Variants in SEMA6D observed in about 807,000 individuals in gnomAD.
SEMA6D encodes semaphorin-6D.
A neutral mutation model predicts 106.6 loss-of-function variants in SEMA6D; 35 were observed. The observed-to-expected ratio is 0.33, with a 90% confidence interval of 0.25 to 0.44. The LOEUF is 0.44. Ranked by LOEUF, SEMA6D falls within the 20% of genes least tolerant of loss-of-function variation. SEMA6D has a pLI of 1.00. For synonymous variants in SEMA6D, 499 were observed against 487.7 expected, an observed-to-expected ratio of 1.02 and a Z score of -0.31; for missense variants, 1,185 against 1,345.9, an observed-to-expected ratio of 0.88 and a Z score of 1.87.
intron 1 of SEMA6D, among the ~76,000 whole-genome samples, chr15:47,220,909 T>C (rs185709225): frequency 0.012 from 1,853 of 152,342 alleles, 43 homozygotes; most frequent in Admixed American, 0.012. Context: ...TGATAAACCC[T>C]CCTTATTAAA....
At chr15:47,406,059 C>G (rs758650263) in intron 1 of SEMA6D, among the ~76,000 whole-genome samples, 3 of 152,232 alleles carry the variant, frequency 2.0e-5, no homozygotes, top group Non-Finnish European at 4.4e-5. Context: ...TTTCTGTTCT[C>G]TATTCTCTGC....
chr15:47,717,367 C>G (rs975339540), upstream of SEMA6D: 3 of 152,102 alleles, frequency 2.0e-5, no homozygotes, highest in East Asian at 1.9e-4. Flanking sequence ...TCCTGCCGTC[C>G]GTGCCCGGGG....
chr15:47,236,334 G>C (rs1258214113), intron 1 of SEMA6D, among the ~76,000 whole-genome samples: 1 of 152,052 alleles, frequency 6.6e-6, no homozygotes, highest in East Asian at 1.9e-4. Context: ...CCAGAAGAAA[G>C]AGGATTCATG....
At chr15:47,500,593 G>C (rs1432836199) in intron 3 of SEMA6D, among the ~76,000 whole-genome samples, 3 of 152,068 alleles carry the variant, frequency 2.0e-5, no homozygotes, top group Non-Finnish European at 4.4e-5. Flanking sequence ...GCAGTTATTA[G>C]AATTGCTTGA....
At chr15:47,759,991 G>A in intron 2 of SEMA6D, 84 bp downstream of exon 2, 1 of 1,033,972 alleles carries the variant, frequency 9.7e-7, no homozygotes, top group Non-Finnish European at 1.5e-6. Flanking sequence ...TTTTCAGAAA[G>A]AGGCAGAGAT....
intron 4 of SEMA6D, among the ~76,000 whole-genome samples, chr15:47,603,695 A>T (rs556096883): frequency 1.3e-5 from 2 of 151,876 alleles, no homozygotes; most frequent in African/African-American, 2.4e-5. Flanking sequence ...GAATATATAT[A>T]ATTATTATTC....
chr15:47,559,482 G>A (rs1421187717), intron 3 of SEMA6D, among the ~76,000 whole-genome samples: 1 of 152,062 alleles, frequency 6.6e-6, no homozygotes, highest in East Asian at 1.9e-4. Flanking sequence ...AAACAGCCCT[G>A]CTACCCATGC....
At chr15:47,695,940 A>G (rs1442750678) in intron 4 of SEMA6D, among the ~76,000 whole-genome samples, 1 of 152,190 alleles carries the variant, frequency 6.6e-6, no homozygotes, top group Non-Finnish European at 1.5e-5. Context: ...TGGTAGTTTT[A>G]GTACACATTT....
At chr15:47,402,280 C>A (rs985770149) in intron 1 of SEMA6D, among the ~76,000 whole-genome samples, 2 of 152,186 alleles carry the variant, frequency 1.3e-5, no homozygotes, top group Non-Finnish European at 2.9e-5. Flanking sequence ...ATTGAAGGTT[C>A]TTCTTGAGTA....
intron 1 of SEMA6D, among the ~76,000 whole-genome samples, chr15:47,297,354 G>C (rs1037249557): frequency 6.6e-6 from 1 of 152,140 alleles, no homozygotes; most frequent in Non-Finnish European, 1.5e-5. Context: ...TTAAGCCACT[G>C]TTAGCAGGTG....
In SEMA6D at chr15:47,348,715, ACAC is replaced by A. The variant is rs1244859082; in HGVS notation, c.-238-63674_-238-63672del. Among the ~76,000 whole-genome samples the A allele has an allele frequency of 3.5e-3, 128 of 36,836 alleles. 1 individual carries two copies. Among genetic ancestry groups the A allele is most frequent in the South Asian group, 0.011 (12 of 1,072 alleles). The allele number at this position is 36,836 out of a possible 152,430, so 24.2% of individuals were successfully genotyped here. ...CACACACACACACACACACACACAC[ACAC>A]CACACACACAGAGAGAGAGAGAGAG... is the stretch of plus-strand genomic sequence containing the variant. On this transcript the variant is annotated intron_variant, in intron 1 of 19. Transcript: ENST00000558014.
chr15:47,633,593 T>C (rs1024171682), intron 4 of SEMA6D, among the ~76,000 whole-genome samples: 3 of 152,182 alleles, frequency 2.0e-5, no homozygotes, highest in Non-Finnish European at 4.4e-5. Flanking sequence ...AATTGTAATG[T>C]ATCTTGTCAT....
chr15:47,410,918 T>C (rs1293346807), intron 1 of SEMA6D, among the ~76,000 whole-genome samples: 1 of 152,178 alleles, frequency 6.6e-6, no homozygotes, highest in Non-Finnish European at 1.5e-5. Context: ...CAGACCATAA[T>C]ACAGGTATGG....
At chr15:47,474,657 C>T (rs2042952698) in intron 3 of SEMA6D, among the ~76,000 whole-genome samples, 1 of 152,148 alleles carries the variant, frequency 6.6e-6, no homozygotes, top group Non-Finnish European at 1.5e-5. Context: ...TTGCTACATG[C>T]AAAGAGGCAC....
At chr15:47,731,953 G>A (rs941210936) in intron 1 of SEMA6D, among the ~76,000 whole-genome samples, 3 of 152,176 alleles carry the variant, frequency 2.0e-5, no homozygotes, top group Admixed American at 6.5e-5. Context: ...GACGTAGGTT[G>A]GAAACCCATC....
chr15:47,202,346 G>A (rs1039425149), intron 1 of SEMA6D, among the ~76,000 whole-genome samples: 1 of 151,986 alleles, frequency 6.6e-6, no homozygotes, highest in African/African-American at 2.4e-5. Flanking sequence ...CAGGAGTTGG[G>A]CGGGTGGCCT....
intron 1 of SEMA6D, among the ~76,000 whole-genome samples, chr15:47,222,972 T>C (rs1423926827): frequency 1.3e-5 from 2 of 152,262 alleles, no homozygotes; most frequent in Middle Eastern, 3.4e-3. Context: ...TGAAGGAAAC[T>C]TAAGGACAGC....
At chr15:47,704,820 A>T (rs987232552) in intron 4 of SEMA6D, among the ~76,000 whole-genome samples, 6 of 152,200 alleles carry the variant, frequency 3.9e-5, no homozygotes, top group Middle Eastern at 3.2e-3. Flanking sequence ...ATTTTCTTTT[A>T]AAAAAAGGAT....
intron 3 of SEMA6D, among the ~76,000 whole-genome samples, chr15:47,484,162 G>C: frequency 6.6e-6 from 1 of 152,262 alleles, no homozygotes; most frequent in East Asian, 1.9e-4. Context: ...CATTTTCTCT[G>C]CATTTTGTAG....
Sources: gnomAD v4.1 joint callset for allele counts (sites outside exome capture counted in the v4.1 genomes callset) on GRCh38, gnomAD v4.1.1 for gene constraint, MANE v1.5 for transcripts, NCBI Gene and HGNC (gene_info 2026-07-23, HGNC 2026-07-21) for gene names.